The following KCNN2 variants were observed in gnomAD, a reference collection of about 807,000 sequenced individuals.
KCNN2 encodes the protein small conductance calcium-activated potassium channel protein 2.
A neutral mutation model predicts 55.5 loss-of-function variants in KCNN2; 24 were observed. That is an observed-to-expected ratio of 0.43 (90% CI 0.31 to 0.61). KCNN2 has a LOEUF of 0.61. Among genes scored for constraint, KCNN2 ranks in the 20% least tolerant of loss-of-function variants. The probability of loss-of-function intolerance (pLI) is 0.08; values close to 1 mark genes in which losing one functional copy is unlikely to be tolerated. For missense variants in KCNN2, 754 were observed against 853.6 expected (o/e 0.88, Z 1.45); for synonymous variants, 431 against 336.1 (o/e 1.28, Z -3.09).
At chr5:114,153,246 G>T (rs1469068780) in intron 1 of KCNN2, among the ~76,000 whole-genome samples, 1 of 152,170 alleles carries the variant, frequency 6.6e-6, no homozygotes, top group African/African-American at 2.4e-5. Flanking sequence ...GTAGCATTTA[G>T]ATGATCTGAC....
At chr5:114,064,125 T>C (rs1385467717) in intron 1 of KCNN2, among the ~76,000 whole-genome samples, 2 of 152,174 alleles carry the variant, frequency 1.3e-5, no homozygotes, top group African/African-American at 2.4e-5. Flanking sequence ...TGGATGCTTA[T>C]AGTTTTAAAA....
chr5:114,376,936 A>G (rs1299366753), intron 2 of KCNN2, among the ~76,000 whole-genome samples: 2 of 152,078 alleles, frequency 1.3e-5, no homozygotes, highest in African/African-American at 4.8e-5. Context: ...AAGTAAATAA[A>G]TGAAACACTT....
At chr5:114,396,419 G>T (rs187547345) in intron 2 of KCNN2, among the ~76,000 whole-genome samples, 2 of 152,208 alleles carry the variant, frequency 1.3e-5, no homozygotes, top group South Asian at 4.1e-4. Context: ...TCTATTAAAT[G>T]GATATTTTTA....
chr5:114,206,996 C>T (rs1019879541), intron 1 of KCNN2, among the ~76,000 whole-genome samples: 2 of 152,140 alleles, frequency 1.3e-5, no homozygotes, highest in East Asian at 1.9e-4. Flanking sequence ...TCTGTGCCCC[C>T]TACAAAGGAC....
intron 1 of KCNN2, among the ~76,000 whole-genome samples, chr5:114,108,796 G>T (rs112163986): frequency 0.03 from 4,510 of 151,708 alleles, 233 homozygotes; most frequent in African/African-American, 0.1. Flanking sequence ...ATTGTTTTCA[G>T]TTTGGGGCTT....
intron 1 of KCNN2, among the ~76,000 whole-genome samples, chr5:114,206,763 C>CTT (rs34590942): frequency 0.11 from 16,209 of 147,458 alleles, 1,062 homozygotes; most frequent in Middle Eastern, 0.23. Context: ...CCTGGTACTT[C>CTT]TTTTTTTTTT....
intron 2 of KCNN2, among the ~76,000 whole-genome samples, chr5:114,250,036 T>C (rs1343472085): frequency 6.6e-6 from 1 of 152,214 alleles, no homozygotes; most frequent in Admixed American, 6.5e-5. Flanking sequence ...GTTTCCATTG[T>C]GCTATATAAA....
intron 1 of KCNN2, among the ~76,000 whole-genome samples, chr5:114,103,816 A>G (rs1029387924): frequency 1.3e-5 from 2 of 152,114 alleles, no homozygotes; most frequent in Admixed American, 1.3e-4. Flanking sequence ...GTGCTGCTGG[A>G]TTCGGTTTGC....
intron 3 of KCNN2, among the ~76,000 whole-genome samples, chr5:114,454,759 C>G (rs527741242): frequency 1.3e-5 from 2 of 152,164 alleles, no homozygotes; most frequent in Non-Finnish European, 2.9e-5. Flanking sequence ...CAGGTACGTG[C>G]GTATCCATCA....
intron 2 of KCNN2, among the ~76,000 whole-genome samples, chr5:114,223,288 G>T (rs1481472803): frequency 6.6e-6 from 1 of 152,074 alleles, no homozygotes; most frequent in Non-Finnish European, 1.5e-5. Flanking sequence ...ATACAGTGAG[G>T]ATTCTGATTC....
intron 2 of KCNN2, among the ~76,000 whole-genome samples, chr5:114,370,427 A>G (rs1189010662): frequency 6.6e-6 from 1 of 152,122 alleles, no homozygotes; most frequent in South Asian, 2.1e-4. Flanking sequence ...TATTCCAAGG[A>G]GGAGGGGTTA....
At chr5:114,107,721 A>G (rs1751518406) in intron 1 of KCNN2, among the ~76,000 whole-genome samples, 1 of 152,056 alleles carries the variant, frequency 6.6e-6, no homozygotes, top group African/African-American at 2.4e-5. Flanking sequence ...CAATGAGCCC[A>G]TCAATTTCCA....
At chr5:114,288,928 T>A (rs2150016576) in intron 2 of KCNN2, among the ~76,000 whole-genome samples, 1 of 152,316 alleles carries the variant, frequency 6.6e-6, no homozygotes, top group East Asian at 1.9e-4. Flanking sequence ...AAGAATGTAT[T>A]GCCAAAACCC....
chr5:114,280,299 G>C (rs906712695), intron 2 of KCNN2, among the ~76,000 whole-genome samples: 21 of 152,106 alleles, frequency 1.4e-4, no homozygotes, highest in Non-Finnish European at 2.6e-4. Flanking sequence ...AAGCTCTTTA[G>C]CTTAATTAGA....
In KCNN2 at chr5:114,373,640, T is replaced by TTATATATATATATATATATATATA. The variant is rs61356539; in HGVS notation, c.1218+9657_1218+9658insTATATATATATATATATATATATA. ...CTCTCATGGTGTTGTTATGAAGATT[T>TTATATATATATATATATATATATA]TATATATATATATATATAAAATTAC... On this transcript the variant is annotated intron_variant, in intron 2 of 7. Transcript: ENST00000673685. Among the ~76,000 whole-genome samples, 279 of 56,644 alleles carry TTATATATATATATATATATATATA rather than the reference T, an allele frequency of 4.9e-3. 27 individuals carry two copies. Among genetic ancestry groups the TTATATATATATATATATATATATA allele is most frequent in the Admixed American group, 0.015 (63 of 4,094 alleles). 37.2% of individuals were successfully genotyped at this position (56,644 alleles called of 152,430 possible). A position where few individuals can be genotyped will look rare whatever the true frequency, so the allele number is the denominator to read the frequency against.
intron 2 of KCNN2, among the ~76,000 whole-genome samples, chr5:114,364,996 C>T (rs1757558762): frequency 6.6e-6 from 1 of 151,410 alleles, no homozygotes; most frequent in Non-Finnish European, 1.5e-5. Flanking sequence ...ATTTAAGCTG[C>T]CTTTCAATTT....
chr5:114,117,725 C>A (rs1751734032), intron 1 of KCNN2, among the ~76,000 whole-genome samples: 1 of 152,144 alleles, frequency 6.6e-6, no homozygotes, highest in Non-Finnish European at 1.5e-5. Context: ...AACTGCATGA[C>A]CCAATACAGA....
At chr5:114,408,009 G>C (rs549048525) in intron 3 of KCNN2, among the ~76,000 whole-genome samples, 1 of 152,242 alleles carries the variant, frequency 6.6e-6, no homozygotes, top group East Asian at 1.9e-4. Flanking sequence ...TTTTGAACCT[G>C]TCCTCCCTTT....
intron 1 of KCNN2, among the ~76,000 whole-genome samples, chr5:114,070,808 A>G (rs1750553169): frequency 6.6e-6 from 1 of 152,254 alleles, no homozygotes; most frequent in Admixed American, 6.5e-5. Context: ...TGGGCAGGTT[A>G]CCAGACCTCT....
Sources: gnomAD v4.1 joint callset for allele counts (sites outside exome capture counted in the v4.1 genomes callset) on GRCh38, gnomAD v4.1.1 for gene constraint, MANE v1.5 for transcripts, NCBI Gene and HGNC (gene_info 2026-07-23, HGNC 2026-07-21) for gene names.